Variants in CDON observed in about 807,000 individuals in gnomAD.
CDON encodes the protein cell adhesion associated, oncogene regulated, also known as cell adhesion molecule-related/down-regulated by oncogenes.
In CDON, 73 loss-of-function variants were observed where a neutral mutation model predicts 120.9. The ratio of observed to expected loss-of-function variants is 0.60; its 90% CI spans 0.50 to 0.73. The LOEUF (loss-of-function observed/expected upper bound fraction) is 0.73. Among genes scored for constraint, CDON ranks in the 30% least tolerant of loss-of-function variants. The pLI is 0.00. For missense variants in CDON, 1,470 were observed against 1,587.3 expected (o/e 0.93, Z 1.26); for synonymous variants, 566 against 573.5 (o/e 0.99, Z 0.19).
intron 18 of CDON, among the ~76,000 whole-genome samples, chr11:125,972,169 T>C (rs1184775295): frequency 6.6e-6 from 1 of 152,180 alleles, no homozygotes; most frequent in Non-Finnish European, 1.5e-5. Flanking sequence ...CTCGCGCCTG[T>C]AATCTCAGAA....
intron 1 of CDON, among the ~76,000 whole-genome samples, chr11:126,046,998 T>A (rs1948421820): frequency 6.6e-6 from 1 of 152,206 alleles, no homozygotes; most frequent in African/African-American, 2.4e-5. Flanking sequence ...AGTATACATC[T>A]GAAAATTCCA....
chr11:125,967,603 G>C (rs573933259), intron 18 of CDON, among the ~76,000 whole-genome samples: 3 of 152,178 alleles, frequency 2.0e-5, no homozygotes, highest in Non-Finnish European at 4.4e-5. Context: ...CTTCTGCCTT[G>C]ATGTCGCATT....
intron 1 of CDON, among the ~76,000 whole-genome samples, chr11:126,026,500 A>G (rs915889615): frequency 6.6e-6 from 1 of 152,256 alleles, no homozygotes; most frequent in African/African-American, 2.4e-5. Flanking sequence ...AGGTAGTAAT[A>G]CAGAGGAAGG....
intron 1 of CDON, among the ~76,000 whole-genome samples, chr11:126,028,048 C>T (rs1047231007): frequency 6.8e-5 from 10 of 147,722 alleles, no homozygotes; most frequent in African/African-American, 2.5e-4. Flanking sequence ...CAACATAATG[C>T]CTGGTGATAT....
chr11:125,971,478 C>T (rs1253073976), intron 18 of CDON, among the ~76,000 whole-genome samples: 2 of 152,104 alleles, frequency 1.3e-5, no homozygotes, highest in East Asian at 1.9e-4. Context: ...CTGACATCCA[C>T]GGAGGGTTTC....
chr11:126,023,806 G>A (rs74758526), intron 1 of CDON, among the ~76,000 whole-genome samples: 3 of 152,182 alleles, frequency 2.0e-5, no homozygotes, highest in Non-Finnish European at 4.4e-5. Context: ...TGCCTATAAT[G>A]CATTTCTACT....
At chr11:126,025,577 T>C (rs916926489) in intron 1 of CDON, among the ~76,000 whole-genome samples, 4 of 152,106 alleles carry the variant, frequency 2.6e-5, no homozygotes, top group African/African-American at 9.7e-5. Flanking sequence ...GTATAGCACA[T>C]TTGGTAAAAC....
chr11:125,984,030 A>C lies in CDON; in HGVS notation c.2837T>G (p.Leu946Trp). The C allele has an allele frequency of 6.2e-7, 1 of 1,614,098 alleles. No homozygotes were observed. Among genetic ancestry groups the C allele is most frequent in the Non-Finnish European group, 8.5e-7 (1 of 1,179,978 alleles). The change falls in exon 16 of 20, where the codon TTG (leucine) becomes TGG (tryptophan). Residue 946 changes from leucine (L) to tryptophan (W), a missense_variant. By Grantham distance (61) the Leu-to-Trp change is moderately conservative. Transcript: ENST00000531738. The stretch of plus-strand genomic sequence containing the variant: ...AGGCCCCACATTTCCTCCACTTCCC[A>C]AAGAATTTGGAGGGGTACTCAAGTC... ...VKDLSTPPNS[L>W]GSGGNVGPAT... is the part of the protein sequence containing the mutation.
intron 8 of CDON, among the ~76,000 whole-genome samples, chr11:126,006,851 G>A (rs1947144448): frequency 1.3e-5 from 2 of 152,064 alleles, no homozygotes; most frequent in South Asian, 4.1e-4. Context: ...CATATTATGT[G>A]CCAAGCATTG....
intron 6 of CDON, among the ~76,000 whole-genome samples, chr11:126,016,559 A>G (rs1947474385): frequency 6.6e-6 from 1 of 151,986 alleles, no homozygotes; most frequent in Non-Finnish European, 1.5e-5. Flanking sequence ...CAGCCTCCCA[A>G]GTAGCTGGGA....
chr11:125,994,461 A>T, intron 13 of CDON, 72 bp from the exon 14 acceptor site: 1 of 856,420 alleles, frequency 1.2e-6, no homozygotes. Context: ...AGGTTTCTTT[A>T]TCTACTTGGT....
At chr11:125,971,459 G>A (rs376728191) in intron 18 of CDON, among the ~76,000 whole-genome samples, 8 of 151,846 alleles carry the variant, frequency 5.3e-5, no homozygotes, top group South Asian at 4.2e-4. Flanking sequence ...TGTTGTCATC[G>A]GAGGACATCT....
intron 10 of CDON, among the ~76,000 whole-genome samples, chr11:126,003,021 G>A (rs1027488133): frequency 1.3e-5 from 2 of 152,056 alleles, no homozygotes; most frequent in African/African-American, 2.4e-5. Context: ...TCTCTGCTCC[G>A]ATGTCGACCG....
rs56788784 is a variant in CDON at position 126,022,101 on chromosome 11, CAAAAAA to C, written c.77-587_77-582del. On this transcript the variant is annotated intron_variant, in intron 2 of 19. Coordinates refer to ENST00000531738, the MANE Select transcript of CDON (RefSeq NM_001378964.1). ...TGGGTGACAGTGGGAGACCCTGCTT[CAAAAAA>C]AAAAAAAAAAAAAAAAAAGAAAGAA... Among the ~76,000 whole-genome samples, 9 of 56,552 alleles carry C rather than the reference CAAAAAA, an allele frequency of 1.6e-4. No homozygotes were observed. The East Asian group carries it at 5.0e-3, about 31-fold the overall frequency. The allele number at this position is 56,552 out of a possible 152,430, so 37.1% of individuals were successfully genotyped here. A position where few individuals can be genotyped will look rare whatever the true frequency, so the allele number is the denominator to read the frequency against.
At chr11:125,973,309 G>T (rs1946057813) in intron 18 of CDON, among the ~76,000 whole-genome samples, 1 of 152,112 alleles carries the variant, frequency 6.6e-6, no homozygotes, top group Non-Finnish European at 1.5e-5. Flanking sequence ...AAGACGGGTG[G>T]ATCATGAGGT....
In CDON at chr11:125,958,269, T is replaced by C. The variant is rs371466043; in HGVS notation, c.*2673A>G. ...AGATTATGGCTCCAGATAAACTAGGTTCGGATTCAGGTCCCATGGCTCACT... is the reference window on the plus strand; with the variant it reads ...AGATTATGGCTCCAGATAAACTAGGCTCGGATTCAGGTCCCATGGCTCACT... On this transcript the variant is annotated 3_prime_UTR_variant, in exon 20 of 20. Coordinates refer to ENST00000531738, the MANE Select transcript of CDON (RefSeq NM_001378964.1). 2 of 152,020 alleles carry C rather than the reference T, an allele frequency of 1.3e-5. No individual in the cohort carries two copies. The highest frequency in any genetic ancestry group is 1.9e-4 in the East Asian group (1 of 5,182). The allele number at this position is 152,020 out of a possible 1,614,324, so 9.4% of individuals were successfully genotyped here.
At chr11:126,005,350 C>G in intron 9 of CDON, 2 of 186,192 alleles carry the variant, frequency 1.1e-5, no homozygotes, top group Non-Finnish European at 2.2e-5. Flanking sequence ...ACTTGAAATG[C>G]AAACAATTGG....
Position 125,959,428 on chromosome 11 carries a change from AATT to A in CDON, c.*1511_*1513del, listed in dbSNP as rs938592370. On this transcript the variant is annotated 3_prime_UTR_variant, in exon 20 of 20. Coordinates refer to ENST00000531738, the MANE Select transcript of CDON (RefSeq NM_001378964.1). ...CTCAAGCTATGAAACACACTTACAT[AATT>A]ATTGTTTTTTAATGTGAAGAGCCTT... is the stretch of plus-strand genomic sequence containing the variant. 2 of 152,154 alleles carry A rather than the reference AATT, an allele frequency of 1.3e-5. No individual in the cohort carries two copies. Among genetic ancestry groups the A allele is most frequent in the Non-Finnish European group, 2.9e-5 (2 of 68,042 alleles). The allele number at this position is 152,154 out of a possible 1,614,324, so 9.4% of individuals were successfully genotyped here.
At chr11:126,038,657 TAA>T (rs879665121) in intron 1 of CDON, among the ~76,000 whole-genome samples, 6 of 133,056 alleles carry the variant, frequency 4.5e-5, no homozygotes, top group Non-Finnish European at 3.3e-5. Context: ...CGTCTCAAAA[TAA>T]AAAAAAAAAA....
Sources: gnomAD v4.1 joint callset for allele counts (sites outside exome capture counted in the v4.1 genomes callset) on GRCh38, gnomAD v4.1.1 for gene constraint, MANE v1.5 for transcripts, NCBI Gene and HGNC (gene_info 2026-07-23, HGNC 2026-07-21) for gene names.